NEBL: variants seen among roughly 807,000 people sequenced by gnomAD.
NEBL encodes nebulette, also known as LIM and SH3 protein 2.
Under a neutral mutation model 140.2 loss-of-function variants are expected in NEBL, and 122 were observed. The ratio of observed to expected loss-of-function variants is 0.87; its 90% CI spans 0.75 to 1.01. NEBL has a LOEUF of 1.01. Among genes scored for constraint, NEBL ranks in the 50% least tolerant of loss-of-function variants. The probability of loss-of-function intolerance (pLI) is 0.00; values close to 1 mark genes in which losing one functional copy is unlikely to be tolerated. For missense variants in NEBL, 1,365 were observed against 1,231.3 expected, an observed-to-expected ratio of 1.11 and a Z score of -1.62; for synonymous variants, 436 against 398.9, an observed-to-expected ratio of 1.09 and a Z score of -1.11.
intron 3 of NEBL, among the ~76,000 whole-genome samples, chr10:20,963,003 AAC>A (rs35031266): frequency 0.097 from 13,890 of 143,140 alleles, 639 homozygotes; most frequent in Middle Eastern, 0.14. Flanking sequence ...TTGAAAGAAA[AAC>A]ACACACACAC....
At chr10:21,005,004 A>C (rs1838073492) in intron 3 of NEBL, among the ~76,000 whole-genome samples, 1 of 152,218 alleles carries the variant, frequency 6.6e-6, no homozygotes, top group Non-Finnish European at 1.5e-5. Flanking sequence ...TAGAGGCAAA[A>C]AAGGAAATCA....
chr10:21,258,971 C>A (rs1036310050), intron 1 of NEBL, among the ~76,000 whole-genome samples: 2 of 152,014 alleles, frequency 1.3e-5, no homozygotes, highest in African/African-American at 4.8e-5. Flanking sequence ...TGAAATAGAT[C>A]CTATGATTAC....
At chr10:20,916,996 T>G (rs1833329069) in intron 4 of NEBL, among the ~76,000 whole-genome samples, 1 of 152,202 alleles carries the variant, frequency 6.6e-6, no homozygotes, top group Non-Finnish European at 1.5e-5. Context: ...TAAAATATCC[T>G]AGGGAATGAA....
chr10:21,134,931 G>A (rs1839282420), intron 2 of NEBL, among the ~76,000 whole-genome samples: 1 of 152,138 alleles, frequency 6.6e-6, no homozygotes, highest in Non-Finnish European at 1.5e-5. Context: ...TGTGGTCTAT[G>A]TACACACATC....
intron 2 of NEBL, among the ~76,000 whole-genome samples, chr10:21,129,952 T>G (rs1277513602): frequency 6.6e-6 from 1 of 151,988 alleles, no homozygotes; most frequent in Non-Finnish European, 1.5e-5. Flanking sequence ...AGACAGAAAT[T>G]TTCAGAATGG....
intron 2 of NEBL, among the ~76,000 whole-genome samples, chr10:20,894,750 T>TAAAAAAA (rs35938506): frequency 8.7e-6 from 1 of 114,706 alleles, no homozygotes; most frequent in Non-Finnish European, 1.7e-5. Context: ...CCGTCTCTAC[T>TAAAAAAA]AAAAAAAAAA....
intron 4 of NEBL, among the ~76,000 whole-genome samples, chr10:20,947,889 T>C (rs1358317194): frequency 6.6e-6 from 1 of 152,212 alleles, no homozygotes; most frequent in African/African-American, 2.4e-5. Flanking sequence ...CACCGAATTA[T>C]TTTCAGGTTA....
chr10:21,227,368 A>T (rs1842166012), intron 3 of NEBL, among the ~76,000 whole-genome samples: 1 of 152,236 alleles, frequency 6.6e-6, no homozygotes, highest in African/African-American at 2.4e-5. Context: ...CTTGCCAGAT[A>T]TATAAATAAG....
chr10:20,882,169 A>G (rs74822947), intron 4 of NEBL, among the ~76,000 whole-genome samples: 8,697 of 151,992 alleles, frequency 0.057, 355 homozygotes, highest in Middle Eastern at 0.12. Flanking sequence ...CCTGCAAAAG[A>G]AAGAAAGAAG....
At chr10:21,184,412 G>A (rs1841432431) in intron 3 of NEBL, among the ~76,000 whole-genome samples, 1 of 152,176 alleles carries the variant, frequency 6.6e-6, no homozygotes, top group African/African-American at 2.4e-5. Flanking sequence ...AAACAAGCAT[G>A]GAGCCTGCTC....
intron 3 of NEBL, among the ~76,000 whole-genome samples, chr10:21,206,284 A>G (rs1841823735): frequency 6.6e-6 from 1 of 152,254 alleles, no homozygotes; most frequent in African/African-American, 2.4e-5. Flanking sequence ...AAATGTATAC[A>G]TTGAATACTA....
At chr10:20,900,562 G>A (rs751715574), upstream of NEBL, among the ~76,000 whole-genome samples, 6 of 151,180 alleles carry the variant, frequency 4.0e-5, no homozygotes, top group East Asian at 2.0e-4. Flanking sequence ...GGTGGTTCAC[G>A]CCTGTAATCC....
intron 7 of NEBL, chr10:20,867,903 C>A (rs1434803692): frequency 6.6e-6 from 1 of 151,988 alleles, no homozygotes; most frequent in African/African-American, 2.4e-5. Context: ...CTACACCAAT[C>A]CCATATTGAT....
intron 4 of NEBL, among the ~76,000 whole-genome samples, chr10:20,925,869 T>C (rs1833887087): frequency 6.6e-6 from 1 of 152,170 alleles, no homozygotes; most frequent in African/African-American, 2.4e-5. Flanking sequence ...TAGCTGAAAG[T>C]CAAACTATTC....
In NEBL at chr10:21,173,660, G is replaced by A; in HGVS notation, c.69+105C>T. On this transcript the variant is annotated intron_variant, in intron 1 of 6. Transcript: ENST00000417816. This position sits in a 1 kb window ranked among gnomAD's most constrained non-coding sequence, Gnocchi z 5.7. Reference sequence around the variant, plus strand: ...CCCCCGTGCCAAGGCACACGCACACGCACCGACCCACTCATTGCTTTCCAT... The same window carrying A: ...CCCCCGTGCCAAGGCACACGCACACACACCGACCCACTCATTGCTTTCCAT... The A allele has an allele frequency of 1.3e-6, 2 of 1,570,124 alleles. No homozygotes were observed. Among genetic ancestry groups the A allele is most frequent in the Non-Finnish European group, 8.7e-7 (1 of 1,154,208 alleles).
intron 3 of NEBL, among the ~76,000 whole-genome samples, chr10:21,205,620 T>C (rs1037616586): frequency 1.3e-5 from 2 of 152,152 alleles, no homozygotes; most frequent in African/African-American, 4.8e-5. Flanking sequence ...AAAGAATATA[T>C]ACCAATATAT....
chr10:21,229,433 G>A (rs548940138), intron 3 of NEBL, among the ~76,000 whole-genome samples: 129 of 152,030 alleles, frequency 8.5e-4, no homozygotes, highest in Middle Eastern at 3.4e-3. Flanking sequence ...AAAAAAGTGG[G>A]GGAGGGAAAT....
intron 24 of NEBL, among the ~76,000 whole-genome samples, chr10:20,811,566 A>C (rs1424112923): frequency 1.3e-5 from 2 of 152,186 alleles, no homozygotes; most frequent in Non-Finnish European, 2.9e-5. Flanking sequence ...TTGCCTACAA[A>C]CATGTTTGGA....
At chr10:21,185,447 A>G (rs988924056) in intron 3 of NEBL, among the ~76,000 whole-genome samples, 2 of 149,762 alleles carry the variant, frequency 1.3e-5, no homozygotes, top group African/African-American at 4.9e-5. Flanking sequence ...CAAGCTAAGC[A>G]CACAGAATTT....
Sources: gnomAD v4.1 joint callset for allele counts (sites outside exome capture counted in the v4.1 genomes callset) on GRCh38, gnomAD v4.1.1 for gene constraint, Gnocchi (gnomAD v3.1) non-coding constraint, MANE v1.5 for transcripts, NCBI Gene and HGNC (gene_info 2026-07-23, HGNC 2026-07-21) for gene names.